The following NXN variants were observed in gnomAD, a reference collection of about 807,000 sequenced individuals.
NXN encodes the protein nucleoredoxin.
NXN carries 16 observed loss-of-function variants against 48.6 expected under a neutral mutation model. The observed-to-expected ratio is 0.33, with a 90% confidence interval of 0.22 to 0.50. The LOEUF is 0.50. Ranked by LOEUF, NXN falls within the 20% of genes least tolerant of loss-of-function variation. The probability of loss-of-function intolerance (pLI) is 0.98; values close to 1 mark genes in which losing one functional copy is unlikely to be tolerated. For synonymous variants in NXN, 281 were observed against 269.6 expected (o/e 1.04, Z -0.41); for missense variants, 492 against 605.5 (o/e 0.81, Z 1.97).
At chr17:903,374 GT>G (rs2068554630) in intron 1 of NXN, among the ~76,000 whole-genome samples, 1 of 147,342 alleles carries the variant, frequency 6.8e-6, no homozygotes, top group South Asian at 2.2e-4. Flanking sequence ...CCCAGTCTCT[GT>G]TTTTTGATCT....
At chr17:892,245 C>T (rs1330593028) in intron 1 of NXN, among the ~76,000 whole-genome samples, 1 of 151,966 alleles carries the variant, frequency 6.6e-6, no homozygotes, top group African/African-American at 2.4e-5. Flanking sequence ...CTAAGCTAAC[C>T]CCACCATGCA....
chr17:854,801 A>G (rs753720679), intron 1 of NXN, among the ~76,000 whole-genome samples: 9 of 151,378 alleles, frequency 5.9e-5, no homozygotes, highest in Admixed American at 2.6e-4. Flanking sequence ...TCTACTAAAA[A>G]TACAAAAATT....
At position 823,731 on chromosome 17, in the gene NXN, C is replaced by A; in HGVS notation, c.513G>T (p.Arg171Ser). The A allele has an allele frequency of 1.2e-6, 2 of 1,614,100 alleles. No individual in the cohort carries two copies. Among genetic ancestry groups the A allele is most frequent in the Non-Finnish European group, 1.7e-6 (2 of 1,180,020 alleles). ...TAAGCAAGGGCCCTGCAATGACTTC[C>A]CTGAAGGGTTTCGGTCCCCAGGGGA... ...LEFPWGPKPF[R>S]EVIAGPLLRN... is the part of the protein sequence containing the mutation. The change falls in exon 3 of 8, where the codon AGG becomes AGT. Residue 171 changes from arginine to serine, a missense_variant. This residue lies in a region of NXN where 303 missense variants were observed against 388.3 expected (regional missense o/e 0.78). Transcript: ENST00000336868.
intron 1 of NXN, among the ~76,000 whole-genome samples, chr17:859,455 T>C (rs1431753801): frequency 6.6e-6 from 1 of 151,982 alleles, no homozygotes; most frequent in African/African-American, 2.4e-5. Flanking sequence ...ACAACAAATG[T>C]GAAAAGTTGA....
At chr17:862,915 G>C (rs1301021068) in intron 1 of NXN, among the ~76,000 whole-genome samples, 1 of 152,138 alleles carries the variant, frequency 6.6e-6, no homozygotes, top group Admixed American at 6.6e-5. Context: ...TACATTTCTT[G>C]GGTATGATAA....
chr17:895,794 G>A (rs2068476612), intron 1 of NXN, among the ~76,000 whole-genome samples: 3 of 127,276 alleles, frequency 2.4e-5, no homozygotes, highest in South Asian at 5.7e-4. Flanking sequence ...CTCCAGCCTG[G>A]GTTTTGTTTG....
chr17:836,523 A>C (rs1426336464), intron 1 of NXN, among the ~76,000 whole-genome samples: 1 of 152,172 alleles, frequency 6.6e-6, no homozygotes, highest in African/African-American at 2.4e-5. Flanking sequence ...ATATACACTG[A>C]GAGCAGGAAT....
chr17:914,012 G>A (rs2068661140), intron 1 of NXN, among the ~76,000 whole-genome samples: 1 of 152,126 alleles, frequency 6.6e-6, no homozygotes, highest in South Asian at 2.1e-4. Flanking sequence ...TGATTCTCCA[G>A]CCTCAGCCTC....
intron 1 of NXN, among the ~76,000 whole-genome samples, chr17:901,896 C>T (rs1437919143): frequency 2.0e-5 from 3 of 152,082 alleles, no homozygotes; most frequent in Non-Finnish European, 2.9e-5. Flanking sequence ...GACGGGGTTT[C>T]GCCATGATGG....
At chr17:902,649 G>A (rs2068547844) in intron 1 of NXN, among the ~76,000 whole-genome samples, 1 of 152,098 alleles carries the variant, frequency 6.6e-6, no homozygotes, top group Non-Finnish European at 1.5e-5. Context: ...AAAGGTAAGA[G>A]TCACACAGAA....
chr17:876,142 A>C (rs1175269823), intron 1 of NXN, among the ~76,000 whole-genome samples: 1 of 151,834 alleles, frequency 6.6e-6, no homozygotes, highest in Non-Finnish European at 1.5e-5. Context: ...AGACCGTGCC[A>C]CTGCACTCCA....
At chr17:852,023 C>T (rs754310715) in intron 1 of NXN, among the ~76,000 whole-genome samples, 11 of 152,202 alleles carry the variant, frequency 7.2e-5, no homozygotes, top group Admixed American at 6.5e-5. Flanking sequence ...CAATTAGGGG[C>T]GCCAGTCTCA....
chr17:824,009 G>A (rs1296831145), intron 2 of NXN, among the ~76,000 whole-genome samples: 2 of 151,324 alleles, frequency 1.3e-5, no homozygotes, highest in Non-Finnish European at 2.9e-5. Context: ...AAACCTGGAT[G>A]GGTCACAAGG....
At chr17:935,650 C>T (rs1311876337) in intron 1 of NXN, among the ~76,000 whole-genome samples, 1 of 152,170 alleles carries the variant, frequency 6.6e-6, no homozygotes, top group Non-Finnish European at 1.5e-5. Flanking sequence ...CTGCAGAACA[C>T]GCCCAGGAAT....
chr17:863,948 A>G, intron 1 of NXN: 2 of 1,526,288 alleles, frequency 1.3e-6, no homozygotes, highest in Non-Finnish European at 1.8e-6. Context: ...CAGCAGCAGC[A>G]ATGCCTGGGA....
At chr17:971,327 C>T (rs1188462064) in intron 1 of NXN, among the ~76,000 whole-genome samples, 1 of 152,128 alleles carries the variant, frequency 6.6e-6, no homozygotes, top group African/African-American at 2.4e-5. Flanking sequence ...CACAGAATCA[C>T]ACGGCAATCC....
At chr17:931,460 AAAAC>A (rs2150597097) in intron 1 of NXN, among the ~76,000 whole-genome samples, 1 of 151,786 alleles carries the variant, frequency 6.6e-6, no homozygotes, top group South Asian at 2.1e-4. Context: ...TCAAAAAAAA[AAAAC>A]AAGAAAGATA....
At chr17:806,906 T>C (rs1299958855) in intron 5 of NXN, among the ~76,000 whole-genome samples, 1 of 146,092 alleles carries the variant, frequency 6.8e-6, no homozygotes, top group Non-Finnish European at 1.5e-5. Context: ...CACTCCGACA[T>C]CACACACACT....
At chr17:863,871 C>A in intron 1 of NXN, 1 of 1,143,706 alleles carries the variant, frequency 8.7e-7, no homozygotes, top group Non-Finnish European at 1.3e-6. Flanking sequence ...AGGGAAAAAA[C>A]ATACCCACTG....
Sources: allele counts gnomAD v4.1 joint callset (sites outside exome capture counted in the v4.1 genomes callset), GRCh38; gene constraint gnomAD v4.1.1; regional missense constraint gnomAD v4.1.1; transcripts MANE v1.5; gene names NCBI Gene and HGNC (gene_info 2026-07-23, HGNC 2026-07-21).